Variants in FOXO3 observed in about 807,000 individuals in gnomAD.
FOXO3 encodes forkhead box O3, also known as forkhead box protein O3.
In FOXO3, 4 loss-of-function variants were observed where a neutral mutation model predicts 41.9. That is an observed-to-expected ratio of 0.10 (90% CI 0.05 to 0.22). The LOEUF (loss-of-function observed/expected upper bound fraction) is 0.22. Ranked by LOEUF, FOXO3 falls within the 10% of genes least tolerant of loss-of-function variation. The pLI is 1.00. For synonymous variants in FOXO3, 318 were observed against 389.3 expected, an observed-to-expected ratio of 0.82 and a Z score of 2.16; for missense variants, 534 against 906.8, an observed-to-expected ratio of 0.59 and a Z score of 5.28.
At chr6:108,570,328 A>G (rs1776064426) in intron 1 of FOXO3, among the ~76,000 whole-genome samples, 3 of 149,838 alleles carry the variant, frequency 2.0e-5, no homozygotes, top group Admixed American at 1.3e-4. Context: ...TAAATTTTTT[A>G]TTTGAGACAA....
rs1326674064 is a variant in FOXO3 at position 108,586,591 on chromosome 6, T to C, written c.621+24762T>C. On this transcript the variant is annotated intron_variant, in intron 1 of 2. Transcript: ENST00000406360. ...AGATGAAGCAGTATGGATCAGTTTCTTTGGGAAGGTTCTTGGAGGACCCTA... is the reference window on the plus strand; with the variant it reads ...AGATGAAGCAGTATGGATCAGTTTCCTTGGGAAGGTTCTTGGAGGACCCTA... Among the ~76,000 whole-genome samples, 3 of 152,264 alleles carry C rather than the reference T, an allele frequency of 2.0e-5. No homozygotes were observed. The East Asian group carries it at 5.8e-4, about 29-fold the overall frequency.
At position 108,663,579 on chromosome 6, in the gene FOXO3, G is replaced by A; in HGVS notation, c.746G>A (p.Arg249Gln). Residue 249 changes from arginine (R) to glutamine (Q), a missense_variant, in exon 2 of 3, where the codon CGG becomes CAG. Physicochemically the swap from Arg to Gln is conservative, Grantham distance 43. Around this residue, in one of 8 missense-constraint regions of FOXO3, gnomAD observed 77 missense variants for 193.2 expected, o/e 0.40. Transcript: ENST00000406360. ...GGGAAGAGCGGAAAAGCCCCCCGGCGGCGGGCTGTCTCCATGGACAATAGC... is the reference window on the plus strand; with the variant it reads ...GGGAAGAGCGGAAAAGCCCCCCGGCAGCGGGCTGTCTCCATGGACAATAGC... Reference protein sequence around the residue: ...DGGKSGKAPRRRAVSMDNSNK... With the variant: ...DGGKSGKAPRQRAVSMDNSNK... 13 of 1,613,646 alleles carry A rather than the reference G, an allele frequency of 8.1e-6. No homozygotes were observed. Among genetic ancestry groups the A allele is most frequent in the Non-Finnish European group, 1.1e-5 (13 of 1,179,706 alleles).
intron 2 of FOXO3, among the ~76,000 whole-genome samples, chr6:108,674,777 C>T (rs1770517796): frequency 6.6e-6 from 1 of 152,238 alleles, no homozygotes; most frequent in South Asian, 2.1e-4. Context: ...GAACCTGATC[C>T]CACAGGCCTT....
intron 1 of FOXO3, among the ~76,000 whole-genome samples, chr6:108,660,211 T>G (rs1778802794): frequency 6.6e-6 from 1 of 152,232 alleles, no homozygotes; most frequent in Admixed American, 6.5e-5. Flanking sequence ...CCACCTGTAC[T>G]TGCCTGCTTT....
At chr6:108,584,446 A>G (rs1455075349) in intron 1 of FOXO3, among the ~76,000 whole-genome samples, 1 of 152,202 alleles carries the variant, frequency 6.6e-6, no homozygotes, top group Non-Finnish European at 1.5e-5. Context: ...TGATAAAAAA[A>G]CAGACCCTGC....
chr6:108,596,645 A>G (rs1008400787), intron 1 of FOXO3, among the ~76,000 whole-genome samples: 1 of 152,216 alleles, frequency 6.6e-6, no homozygotes, highest in African/African-American at 2.4e-5. Context: ...GTACCTGTCC[A>G]TAGGCAAAGT....
intron 1 of FOXO3, among the ~76,000 whole-genome samples, chr6:108,640,830 C>T (rs1352241358): frequency 1.3e-5 from 2 of 152,166 alleles, no homozygotes; most frequent in Non-Finnish European, 2.9e-5. Context: ...GTTCATTCAA[C>T]AAATATATAT....
At chr6:108,647,761 C>G (rs188715993) in intron 1 of FOXO3, among the ~76,000 whole-genome samples, 29 of 152,286 alleles carry the variant, frequency 1.9e-4, no homozygotes, top group Admixed American at 1.6e-3. Context: ...CCAATTTCCT[C>G]TTTACAAAAC....
chr6:108,666,502 ATTTTT>A (rs772194341), intron 2 of FOXO3, among the ~76,000 whole-genome samples: 1 of 141,686 alleles, frequency 7.1e-6, no homozygotes, highest in Non-Finnish European at 1.6e-5. Context: ...CGCCTGGCTA[ATTTTT>A]TTTTTTTTTT....
intron 1 of FOXO3, among the ~76,000 whole-genome samples, chr6:108,581,487 T>G (rs1044916856): frequency 1.3e-5 from 2 of 152,198 alleles, no homozygotes; most frequent in African/African-American, 4.8e-5. Context: ...ACATATGTAC[T>G]GCTGATTAAG....
chr6:108,670,408 C>T (rs142382024), intron 2 of FOXO3, among the ~76,000 whole-genome samples: 4 of 151,092 alleles, frequency 2.6e-5, no homozygotes, highest in Non-Finnish European at 5.9e-5. Flanking sequence ...ATTTAGAGGT[C>T]CTGTAAGTCA....
chr6:108,565,973 G>A (rs1480820763), intron 1 of FOXO3, among the ~76,000 whole-genome samples: 3 of 152,222 alleles, frequency 2.0e-5, no homozygotes, highest in Admixed American at 6.5e-5. Context: ...AGTTATGGTC[G>A]TGTGTGAAGA....
At chr6:108,580,183 A>ATTTTTTTTTTTTT (rs11395032) in intron 1 of FOXO3, among the ~76,000 whole-genome samples, 1 of 93,072 alleles carries the variant, frequency 1.1e-5, no homozygotes, top group African/African-American at 4.2e-5. Context: ...GCTCTTCTTC[A>ATTTTTTTTTTTTT]TTTTTTTTTT....
intron 1 of FOXO3, among the ~76,000 whole-genome samples, chr6:108,620,027 G>A (rs1777623461): frequency 6.6e-6 from 1 of 152,178 alleles, no homozygotes; most frequent in South Asian, 2.1e-4. Context: ...ATTTGCTGTA[G>A]TCATAGTGAA....
chr6:108,619,000 C>T (rs928664346), intron 1 of FOXO3, among the ~76,000 whole-genome samples: 14 of 152,282 alleles, frequency 9.2e-5, no homozygotes, highest in African/African-American at 3.1e-4. Context: ...AAGTTCAAGG[C>T]TTGTCTCATA....
At chr6:108,653,263 T>A (rs529703766) in intron 1 of FOXO3, among the ~76,000 whole-genome samples, 1 of 152,308 alleles carries the variant, frequency 6.6e-6, no homozygotes, top group South Asian at 2.1e-4. Flanking sequence ...TCCCATTAAT[T>A]CAATGGTTAA....
intron 1 of FOXO3, among the ~76,000 whole-genome samples, chr6:108,575,196 CA>C (rs1776230012): frequency 6.6e-6 from 1 of 152,102 alleles, no homozygotes; most frequent in Non-Finnish European, 1.5e-5. Context: ...ATTCCAATCA[CA>C]AAACTACTTT....
rs560186794 is a variant in FOXO3, at chr6:108,655,949, A to G, written c.622-7506A>G. Among the ~76,000 whole-genome samples, 11 of 152,350 alleles carry G rather than the reference A, an allele frequency of 7.2e-5. 1 individual carries two copies. In the South Asian group the frequency reaches 2.3e-3, roughly 32 times the overall value. On this transcript the variant is annotated intron_variant, in intron 1 of 2. Transcript: ENST00000406360. ...GACCCACTTGAAATGCTGGTCCTGTACACAAAGTGGGTGAGCACTGTATTG... is the reference window on the plus strand; with the variant it reads ...GACCCACTTGAAATGCTGGTCCTGTGCACAAAGTGGGTGAGCACTGTATTG...
In FOXO3 at chr6:108,561,481, G is replaced by A. The variant is rs1275770715; in HGVS notation, c.273G>A (p.Gly91=). ...GGGGSGTLGS[G]LLLEDSARVL... is the part of the protein sequence containing the mutation. ...GCGGGAGCGGCACGCTGGGCTCCGG[G>A]CTGCTCCTTGAGGACTCGGCCCGGG... Residue 91 remains glycine (G), a synonymous_variant, in exon 1 of 3, where the codon GGG becomes GGA. Coordinates refer to ENST00000406360, the MANE Select transcript of FOXO3 (RefSeq NM_001455.4). 4.6e-6 allele frequency: 7 copies of A among 1,512,056 alleles called. No individual in the cohort carries two copies. In the Admixed American group the frequency reaches 6.3e-5, roughly 14 times the overall value. The allele number at this position is 1,512,056 out of a possible 1,614,324, so 93.7% of individuals were successfully genotyped here.
Sources: gnomAD v4.1 joint callset for allele counts (sites outside exome capture counted in the v4.1 genomes callset) on GRCh38, gnomAD v4.1.1 for gene constraint, gnomAD v4.1.1 regional missense constraint, MANE v1.5 for transcripts, NCBI Gene and HGNC (gene_info 2026-07-23, HGNC 2026-07-21) for gene names.